The following CACNA2D3 variants were observed in gnomAD, a reference collection of about 807,000 sequenced individuals.
CACNA2D3 encodes the protein voltage-dependent calcium channel subunit alpha-2/delta-3.
CACNA2D3 carries 60 observed loss-of-function variants against 160.6 expected under a neutral mutation model. The observed-to-expected ratio is 0.37, with a 90% confidence interval of 0.30 to 0.46. The LOEUF (loss-of-function observed/expected upper bound fraction) is 0.46, where lower values mean the gene tolerates loss of function less well. Ranked by LOEUF, CACNA2D3 falls within the 20% of genes least tolerant of loss-of-function variation. The pLI is 1.00. For synonymous variants in CACNA2D3, 558 were observed against 492.9 expected (o/e 1.13, Z -1.75); for missense variants, 1,205 against 1,365.0 (o/e 0.88, Z 1.85).
chr3:54,718,897 C>G (rs565685178), intron 11 of CACNA2D3, among the ~76,000 whole-genome samples: 1 of 151,920 alleles, frequency 6.6e-6, no homozygotes, highest in Admixed American at 6.6e-5. Context: ...GGTTTATTAC[C>G]AGGTATTTAA....
chr3:54,281,309 G>C (rs1702873910), intron 2 of CACNA2D3, among the ~76,000 whole-genome samples: 1 of 152,196 alleles, frequency 6.6e-6, no homozygotes, highest in African/African-American at 2.4e-5. Flanking sequence ...TTTTTATGTA[G>C]ATTCTTGCAC....
chr3:54,261,797 G>A (rs1308284062), intron 2 of CACNA2D3, among the ~76,000 whole-genome samples: 1 of 152,156 alleles, frequency 6.6e-6, no homozygotes, highest in Admixed American at 6.5e-5. Context: ...AGTTAGGATT[G>A]TGACCCAAAA....
intron 15 of CACNA2D3, 146 bp from the exon 16 acceptor site, chr3:54,838,419 AGAG>A: frequency 1.5e-6 from 1 of 670,332 alleles, no homozygotes; most frequent in Non-Finnish European, 2.6e-6. Flanking sequence ...GGGGGATAGA[AGAG>A]ACCATTCTTG....
intron 2 of CACNA2D3, among the ~76,000 whole-genome samples, chr3:54,181,277 A>C (rs1466226132): frequency 6.6e-6 from 1 of 152,260 alleles, no homozygotes; most frequent in African/African-American, 2.4e-5. Flanking sequence ...GCTATTAATC[A>C]AGATACTCAT....
intron 11 of CACNA2D3, among the ~76,000 whole-genome samples, chr3:54,706,958 A>G (rs998098114): frequency 3.9e-5 from 6 of 152,186 alleles, no homozygotes; most frequent in African/African-American, 1.2e-4. Flanking sequence ...GTCACATTTT[A>G]TGAAGCAGCC....
chr3:54,417,896 C>A (rs1473478351), intron 4 of CACNA2D3, among the ~76,000 whole-genome samples: 1 of 152,002 alleles, frequency 6.6e-6, no homozygotes, highest in Non-Finnish European at 1.5e-5. Context: ...AGGTGATCCT[C>A]CCATCTCAGC....
At chr3:54,969,328 C>G (rs552273904) in intron 28 of CACNA2D3, among the ~76,000 whole-genome samples, 1 of 144,766 alleles carries the variant, frequency 6.9e-6, no homozygotes, top group Non-Finnish European at 1.5e-5. Flanking sequence ...GGTGCGATCT[C>G]GACTCACTGC....
chr3:54,951,552 C>T (rs537251119), intron 27 of CACNA2D3, among the ~76,000 whole-genome samples: 1 of 152,308 alleles, frequency 6.6e-6, no homozygotes, highest in East Asian at 1.9e-4. Context: ...ACTTCCAGAA[C>T]AGACCCCTAG....
intron 13 of CACNA2D3, among the ~76,000 whole-genome samples, chr3:54,777,444 A>G (rs1474609234): frequency 6.6e-6 from 1 of 152,232 alleles, no homozygotes; most frequent in African/African-American, 2.4e-5. Context: ...CAAGGTCCTT[A>G]GGAGAAATTT....
intron 11 of CACNA2D3, among the ~76,000 whole-genome samples, chr3:54,665,745 C>A (rs536244117): frequency 6.7e-6 from 1 of 150,142 alleles, no homozygotes. Flanking sequence ...AGGGTTGTAG[C>A]GATGGGTGGG....
At chr3:54,409,428 A>G (rs1453244366) in intron 4 of CACNA2D3, among the ~76,000 whole-genome samples, 1 of 152,146 alleles carries the variant, frequency 6.6e-6, no homozygotes, top group Admixed American at 6.6e-5. Context: ...CTTCAGACCT[A>G]TTTCCTGAGA....
At chr3:54,943,868 A>G (rs1001840598) in intron 27 of CACNA2D3, among the ~76,000 whole-genome samples, 2 of 151,870 alleles carry the variant, frequency 1.3e-5, no homozygotes, top group African/African-American at 4.8e-5. Flanking sequence ...CTAAACCCTC[A>G]TGCCTTCTTT....
At position 55,073,793 on chromosome 3, in the gene CACNA2D3, G is replaced by A. The variant is rs1423274715; in HGVS notation, c.3117G>A (p.Lys1039=). The change falls in exon 37 of 38, where the codon AAG becomes AAA. Residue 1039 remains lysine (K), a synonymous_variant. Coordinates refer to ENST00000474759, the MANE Select transcript of CACNA2D3 (RefSeq NM_018398.3). ...ACAGTCAACATAATGAATCCCTTAA[G>A]TGTGAACGTCTAAAGGCCCAGAAGA... The part of the protein sequence containing the change: ...PIEIRYNESL[K]CERLKAQKIR... The A allele has an allele frequency of 6.2e-7, 1 of 1,613,384 alleles. No individual in the cohort carries two copies. Among genetic ancestry groups the A allele is most frequent in the Non-Finnish European group, 8.5e-7 (1 of 1,179,560 alleles).
intron 4 of CACNA2D3, among the ~76,000 whole-genome samples, chr3:54,426,501 A>G (rs1178585639): frequency 3.3e-5 from 5 of 152,208 alleles, no homozygotes; most frequent in Non-Finnish European, 7.3e-5. Context: ...AATACTGAAA[A>G]TAATTTCTTA....
intron 4 of CACNA2D3, among the ~76,000 whole-genome samples, chr3:54,393,626 T>A (rs542354639): frequency 4.6e-5 from 7 of 152,374 alleles, no homozygotes; most frequent in African/African-American, 1.4e-4. Flanking sequence ...CCCTGCATCC[T>A]GGGGAATTGG....
rs760678638 is a variant in CACNA2D3 at position 54,924,852 on chromosome 3, A to G, written c.2449+24984A>G. On this transcript the variant is annotated intron_variant, in intron 27 of 37. Coordinates refer to ENST00000474759, the MANE Select transcript of CACNA2D3 (RefSeq NM_018398.3). ...GTTTGATGACAAATCAAGCTCCCTC[A>G]GCTGAGGGAGGGAATGGAAAAGTCT... 7 of 1,613,784 alleles carry G rather than the reference A, an allele frequency of 4.3e-6. No individual in the cohort carries two copies. The Admixed American group carries it at 8.3e-5, about 19-fold the overall frequency.
At chr3:55,019,483 A>G (rs1703401010) in intron 35 of CACNA2D3, among the ~76,000 whole-genome samples, 1 of 152,056 alleles carries the variant, frequency 6.6e-6, no homozygotes, top group Non-Finnish European at 1.5e-5. Context: ...CAATTTTATA[A>G]CTTTATATAT....
At chr3:54,635,939 T>A (rs559786541) in intron 10 of CACNA2D3, among the ~76,000 whole-genome samples, 1 of 152,144 alleles carries the variant, frequency 6.6e-6, no homozygotes, top group South Asian at 2.1e-4. Context: ...TCAGTGAAAG[T>A]GTCTATTTAG....
intron 9 of CACNA2D3, among the ~76,000 whole-genome samples, chr3:54,583,651 T>G (rs939311373): frequency 2.0e-5 from 3 of 152,208 alleles, no homozygotes; most frequent in Admixed American, 2.0e-4. Context: ...GCATTTCCTT[T>G]GGGTATGACT....
Sources: gnomAD v4.1 joint callset for allele counts (sites outside exome capture counted in the v4.1 genomes callset) on GRCh38, gnomAD v4.1.1 for gene constraint, MANE v1.5 for transcripts, NCBI Gene and HGNC (gene_info 2026-07-23, HGNC 2026-07-21) for gene names.